LRMDA: variants seen among roughly 807,000 people sequenced by gnomAD.
LRMDA encodes leucine-rich melanocyte differentiation-associated protein.
A neutral mutation model predicts 29.8 loss-of-function variants in LRMDA; 18 were observed. The ratio of observed to expected loss-of-function variants is 0.60; its 90% confidence interval spans 0.42 to 0.90. The LOEUF is 0.90. Among genes scored for constraint, LRMDA ranks in the 40% least tolerant of loss-of-function variants. The pLI, the probability that LRMDA is intolerant of heterozygous loss-of-function variation, is 0.00. For synonymous variants in LRMDA, 125 were observed against 109.4 expected (o/e 1.14, Z -0.89); for missense variants, 273 against 273.9 (o/e 1.00, Z 0.02).
chr10:75,432,847 A>G (rs1381983864), intron 1 of LRMDA, among the ~76,000 whole-genome samples: 3 of 152,134 alleles, frequency 2.0e-5, no homozygotes, highest in East Asian at 3.9e-4. Flanking sequence ...CATCAGGTAC[A>G]CATGTTTATT....
chr10:75,815,537 G>A (rs79509555), intron 2 of LRMDA, among the ~76,000 whole-genome samples: 3,861 of 152,246 alleles, frequency 0.025, 76 homozygotes, highest in Non-Finnish European at 0.042. Flanking sequence ...CTAGGTATAA[G>A]CATTTAAGAC....
rs561724128 is a variant in LRMDA, at chr10:75,956,686, G to C, written c.132-79322G>C. On this transcript the variant is annotated intron_variant, in intron 2 of 6. Transcript: ENST00000611255. ...TGTCGTTCTTTAACTGGTCATTCTT[G>C]TCTTTGTGGCCAAAGCTGGCTTACC... Among the ~76,000 whole-genome samples the C allele has an allele frequency of 2.0e-5, 3 of 152,286 alleles. No individual in the cohort carries two copies. In the South Asian group the frequency reaches 6.2e-4, roughly 32 times the overall value.
chr10:75,675,568 C>T (rs897546736), intron 2 of LRMDA, among the ~76,000 whole-genome samples: 4 of 152,126 alleles, frequency 2.6e-5, no homozygotes, highest in South Asian at 4.1e-4. Context: ...GGTGATTATA[C>T]GAAGCTAGGT....
rs530536037 is a variant in LRMDA, at chr10:75,964,860, C to T, written c.132-71148C>T. Among the ~76,000 whole-genome samples, 5 of 152,330 alleles carry T rather than the reference C, an allele frequency of 3.3e-5. No homozygotes were observed. In the South Asian group the frequency reaches 8.3e-4, roughly 25 times the overall value. On this transcript the variant is annotated intron_variant, in intron 2 of 6. Coordinates refer to ENST00000611255, the MANE Select transcript of LRMDA (RefSeq NM_001305581.2). ...TCGGCTCACTGCAACCTCCAACTCTCAGGTTCAAACAATTCTACCTCAGCC... is the reference window on the plus strand; with the variant it reads ...TCGGCTCACTGCAACCTCCAACTCTTAGGTTCAAACAATTCTACCTCAGCC...
At chr10:76,041,807 A>G (rs1848344969) in intron 3 of LRMDA, among the ~76,000 whole-genome samples, 1 of 152,204 alleles carries the variant, frequency 6.6e-6, no homozygotes, top group South Asian at 2.1e-4. Context: ...ACTGAAAAAA[A>G]ATCTCAACGC....
At chr10:75,553,736 CCTCCTTAGTGG>C (rs1840181225) in intron 2 of LRMDA, among the ~76,000 whole-genome samples, 1 of 152,096 alleles carries the variant, frequency 6.6e-6, no homozygotes, top group African/African-American at 2.4e-5. Context: ...GAAGTGGCTT[CCTCCTTAGTGG>C]CTTATGACTT....
chr10:76,026,163 A>G (rs1449719598), intron 2 of LRMDA, among the ~76,000 whole-genome samples: 1 of 152,260 alleles, frequency 6.6e-6, no homozygotes, highest in Non-Finnish European at 1.5e-5. Context: ...CTCGAAAACC[A>G]TTTAGGTTCA....
intron 5 of LRMDA, among the ~76,000 whole-genome samples, chr10:76,132,695 A>AGT (rs1850014637): frequency 6.6e-6 from 1 of 152,158 alleles, no homozygotes; most frequent in African/African-American, 2.4e-5. Flanking sequence ...CGAGTATCGG[A>AGT]GTACGAGTAT....
chr10:76,493,359 T>C (rs919388678), intron 6 of LRMDA, among the ~76,000 whole-genome samples: 3 of 151,764 alleles, frequency 2.0e-5, no homozygotes, highest in African/African-American at 7.2e-5. Flanking sequence ...GGTCAGCTTG[T>C]GGTGAATGCT....
At chr10:76,517,992 G>T (rs1334213267) in intron 6 of LRMDA, among the ~76,000 whole-genome samples, 1 of 148,964 alleles carries the variant, frequency 6.7e-6, no homozygotes, top group African/African-American at 2.4e-5. Context: ...GCTTAGAAGT[G>T]GAACAAATAC....
At chr10:76,399,213 A>G (rs1382392508) in intron 6 of LRMDA, among the ~76,000 whole-genome samples, 1 of 152,138 alleles carries the variant, frequency 6.6e-6, no homozygotes, top group Non-Finnish European at 1.5e-5. Flanking sequence ...TGTTATTATT[A>G]TTTACATGTC....
chr10:75,746,726 T>G (rs531549095), intron 2 of LRMDA, among the ~76,000 whole-genome samples: 21 of 152,132 alleles, frequency 1.4e-4, no homozygotes, highest in South Asian at 8.3e-4. Flanking sequence ...AGTGCTATTT[T>G]TGGGGGGGGA....
intron 5 of LRMDA, among the ~76,000 whole-genome samples, chr10:76,175,802 C>G (rs1850923337): frequency 6.6e-6 from 1 of 152,124 alleles, no homozygotes; most frequent in Admixed American, 6.5e-5. Flanking sequence ...AGAGATGCGC[C>G]CAGTTGGGGT....
chr10:75,784,281 A>AT (rs1232669874), intron 2 of LRMDA, among the ~76,000 whole-genome samples: 1 of 152,244 alleles, frequency 6.6e-6, no homozygotes, highest in Non-Finnish European at 1.5e-5. Context: ...GGGGATAGTA[A>AT]TAGGGTTATC....
chr10:76,125,466 T>C lies in LRMDA; in HGVS notation c.516+66683T>C, dbSNP rs184192209. 2.0e-5 allele frequency among the ~76,000 whole-genome samples: 3 copies of C among 152,364 alleles called. No individual in the cohort carries two copies. The East Asian group carries it at 5.8e-4, about 29-fold the overall frequency. ...TATATTTGGAAGTTGCATGTACTAA[T>C]TGGATTTTGAATATTTTTGTTTCTC... On this transcript the variant is annotated intron_variant, in intron 5 of 6. Transcript: ENST00000611255.
intron 2 of LRMDA, among the ~76,000 whole-genome samples, chr10:75,659,820 C>T (rs1841726912): frequency 6.6e-6 from 1 of 152,108 alleles, no homozygotes; most frequent in African/African-American, 2.4e-5. Flanking sequence ...TCTGTCACTT[C>T]CTTTCTTTCT....
intron 5 of LRMDA, among the ~76,000 whole-genome samples, chr10:76,299,197 G>A (rs74148415): frequency 7.4e-5 from 11 of 148,032 alleles, no homozygotes; most frequent in African/African-American, 1.6e-4. Flanking sequence ...GTGCATGCAC[G>A]CACGCGCAAT....
chr10:76,397,544 A>C (rs1200135124), intron 6 of LRMDA, among the ~76,000 whole-genome samples: 2 of 152,196 alleles, frequency 1.3e-5, no homozygotes, highest in Non-Finnish European at 1.5e-5. Flanking sequence ...CTCCCTTCCA[A>C]AACCACACGG....
intron 2 of LRMDA, among the ~76,000 whole-genome samples, chr10:75,519,189 G>A (rs930767472): frequency 6.6e-6 from 1 of 152,138 alleles, no homozygotes; most frequent in African/African-American, 2.4e-5. Flanking sequence ...GTTGATTTGG[G>A]GTGTAGAGTT....
Sources: allele counts gnomAD v4.1 joint callset (sites outside exome capture counted in the v4.1 genomes callset), GRCh38; gene constraint gnomAD v4.1.1; transcripts MANE v1.5; gene names NCBI Gene and HGNC (gene_info 2026-07-23, HGNC 2026-07-21).